INA: variants seen among roughly 807,000 people sequenced by gnomAD.
INA encodes the protein alpha-internexin.
Under a neutral mutation model 40.1 loss-of-function variants are expected in INA, and 35 were observed. The ratio of observed to expected loss-of-function variants is 0.87; its 90% CI spans 0.67 to 1.16. The LOEUF is 1.16. Among genes scored for constraint, INA ranks in the 50% most tolerant of loss-of-function variants. INA has a pLI of 0.00. For missense variants in INA, 594 were observed against 686.7 expected, an observed-to-expected ratio of 0.87 and a Z score of 1.51; for synonymous variants, 290 against 316.9, an observed-to-expected ratio of 0.92 and a Z score of 0.90.
intron 1 of INA, among the ~76,000 whole-genome samples, chr10:103,279,282 T>G (rs1394471116): frequency 6.6e-6 from 1 of 152,196 alleles, no homozygotes; most frequent in African/African-American, 2.4e-5. Flanking sequence ...TTGTTAGTAT[T>G]TTTTTCATTG....
chr10:103,287,084 T>C lies in INA; in HGVS notation c.1115T>C (p.Met372Thr). 2.5e-6 allele frequency: 4 copies of C among 1,613,998 alleles called. No individual in the cohort carries two copies. Among genetic ancestry groups the C allele is most frequent in the Non-Finnish European group, 3.4e-6 (4 of 1,179,932 alleles). Residue 372 changes from methionine to threonine, a missense_variant, in exon 2 of 3, where the codon ATG (methionine) becomes ACG (threonine). Physicochemically the swap from Met to Thr is moderately conservative, Grantham distance 81. Coordinates refer to ENST00000369849, the MANE Select transcript of INA (RefSeq NM_032727.4). ...ENDLRNTKSE[M>T]ARHLREYQDL... is the part of the protein sequence containing the mutation. ...GATCTGAGGAACACCAAGAGTGAGA[T>C]GGCACGCCACCTTCGGGAATACCAG...
chr10:103,287,127 A>T lies in INA; in HGVS notation c.1158A>T (p.Lys386Asn). The T allele has an allele frequency of 6.2e-7, 1 of 1,613,804 alleles. No homozygotes were observed. The highest frequency in any genetic ancestry group is 8.5e-7 in the Non-Finnish European group (1 of 1,179,884). Residue 386 changes from lysine to asparagine, a missense_variant, in exon 2 of 3, where the codon AAA becomes AAT. This residue lies in a region of INA where 379 missense variants were observed against 496.1 expected (regional missense o/e 0.76). Transcript: ENST00000369849. ...LREYQDLLNV[K>N]MALDIEIAAY... ...AATACCAGGACTTGCTCAATGTCAA[A>T]ATGGCTCTTGACATTGAGATAGCAG... is the stretch of plus-strand genomic sequence containing the variant.
rs569095436 is a variant in INA at position 103,290,210 on chromosome 10, C to G, written c.*1541C>G. On this transcript the variant is annotated 3_prime_UTR_variant, in exon 3 of 3. Transcript: ENST00000369849. The stretch of plus-strand genomic sequence containing the variant: ...TGATGCTTTTACTGAACTTTCTTAT[C>G]CTAGCACATGCTTCAATAGTTCAAG... 1 of 152,636 alleles carries G rather than the reference C, an allele frequency of 6.6e-6. No homozygotes were observed. The highest frequency in any genetic ancestry group is 2.4e-5 in the African/African-American group (1 of 41,462). The allele number at this position is 152,636 out of a possible 1,614,324, so 9.5% of individuals were successfully genotyped here.
At chr10:103,283,677 A>C (rs1428423619) in intron 1 of INA, among the ~76,000 whole-genome samples, 1 of 151,090 alleles carries the variant, frequency 6.6e-6, no homozygotes, top group East Asian at 1.9e-4. Flanking sequence ...TTCTCACACA[A>C]GGGGAGTTTC....
intron 1 of INA, chr10:103,280,581 T>A (rs894156013): frequency 1.0e-6 from 1 of 985,434 alleles, no homozygotes; most frequent in Non-Finnish European, 1.2e-6. Flanking sequence ...GCACCCTCTA[T>A]GAAACATAGG....
At chr10:103,280,246 A>T (rs2093069817) in intron 1 of INA, 3 of 985,308 alleles carry the variant, frequency 3.0e-6, no homozygotes, top group Non-Finnish European at 3.6e-6. Flanking sequence ...GAGCCTTTAG[A>T]GCCACAGAGG....
At chr10:103,284,861 A>G (rs950417482) in intron 1 of INA, among the ~76,000 whole-genome samples, 2 of 152,186 alleles carry the variant, frequency 1.3e-5, no homozygotes, top group African/African-American at 4.8e-5. Context: ...AGGTTCCTGC[A>G]TGGGCCAGTA....
intron 1 of INA, chr10:103,280,052 C>T (rs952545347): frequency 2.4e-6 from 3 of 1,272,558 alleles, no homozygotes; most frequent in Admixed American, 2.5e-5. Context: ...TCCATTTTCT[C>T]TGCTTGTTAT....
chr10:103,277,225 C>T lies in INA; in HGVS notation c.14C>T (p.Ser5Leu). The T allele has an allele frequency of 5.1e-6, 8 of 1,580,690 alleles. No homozygotes were observed. The highest frequency in any genetic ancestry group is 1.7e-4 in the Middle Eastern group (1 of 5,732). MSFG[S>L]EHYLCSSSSY... ...GATCCCGGCACCATGAGCTTCGGCT[C>T]GGAGCACTACCTGTGCTCCTCCTCC... The change falls in exon 1 of 3, where the codon TCG becomes TTG. Residue 5 changes from serine to leucine, a missense_variant. Physicochemically the swap from Ser to Leu is moderately radical, Grantham distance 145. Around this residue, in one of 2 missense-constraint regions of INA, gnomAD observed 215 missense variants for 190.6 expected, o/e 1.13. Coordinates refer to ENST00000369849, the MANE Select transcript of INA (RefSeq NM_032727.4). This position sits in a 1 kb window ranked among gnomAD's most constrained non-coding sequence, Gnocchi z 5.6.
In INA at chr10:103,278,313, G is replaced by GCCCTCTTCCGCGCGTACCCTC. The variant is rs2093065264; in HGVS notation, c.1065+38_1065+58dup. On this transcript the variant is annotated intron_variant, in intron 1 of 2. Transcript: ENST00000369849. This position sits in a 1 kb window ranked among gnomAD's most constrained non-coding sequence, Gnocchi z 4.9. ...GGCTGGGCGTGGGGAGGGGTGCCCT[G>GCCCTCTTCCGCGCGTACCCTC]CCCTCTTCCGCGCGTACCCTCTTCC... 2.8e-6 allele frequency: 4 copies of GCCCTCTTCCGCGCGTACCCTC among 1,426,202 alleles called. No homozygotes were observed. The highest frequency in any genetic ancestry group is 2.8e-5 in the African/African-American group (2 of 70,662). 88.3% of individuals were successfully genotyped at this position (1,426,202 alleles called of 1,614,324 possible).
Position 103,288,695 on chromosome 10 carries a change from C to CATATCATTCCCTCTTAAGCA in INA, c.*26_*27insATATCATTCCCTCTTAAGCA. ...TTCCATTGCTTTGAAAAAGTTAATG[C>CATATCATTCCCTCTTAAGCA]TTAAGAGGGAATGATATGCATTTGA... On this transcript the variant is annotated 3_prime_UTR_variant, in exon 3 of 3. Transcript: ENST00000369849. The CATATCATTCCCTCTTAAGCA allele has an allele frequency of 7.0e-7, 1 of 1,430,106 alleles. No homozygotes were observed. Among genetic ancestry groups the CATATCATTCCCTCTTAAGCA allele is most frequent in the Non-Finnish European group, 9.5e-7 (1 of 1,049,998 alleles). 88.6% of individuals were successfully genotyped at this position (1,430,106 alleles called of 1,614,324 possible).
At chr10:103,287,947 A>G (rs2093090321) in intron 2 of INA, among the ~76,000 whole-genome samples, 1 of 152,092 alleles carries the variant, frequency 6.6e-6, no homozygotes, top group East Asian at 1.9e-4. Context: ...GTTGAGTAAG[A>G]CAGTTTCTAC....
At chr10:103,281,008 C>G in intron 1 of INA, 2 of 812,630 alleles carry the variant, frequency 2.5e-6, no homozygotes, top group Non-Finnish European at 3.0e-6. Context: ...TCAAGATCAC[C>G]GCAGGTTAAT....
intron 1 of INA, among the ~76,000 whole-genome samples, chr10:103,279,775 G>A (rs528172089): frequency 2.0e-5 from 3 of 152,166 alleles, no homozygotes; most frequent in Non-Finnish European, 2.9e-5. Context: ...AAGGAAAAAA[G>A]CCTGCTTGGA....
In INA at chr10:103,288,639, A is replaced by G. The variant is rs775163502; in HGVS notation, c.1470A>G (p.Glu490=). The G allele has an allele frequency of 6.3e-7, 1 of 1,584,272 alleles. No individual in the cohort carries two copies. Among genetic ancestry groups the G allele is most frequent in the Non-Finnish European group, 8.5e-7 (1 of 1,169,754 alleles). ...AGAAAACCGAGAAATCAAATATAGA[A>G]GAAACCACCATTTCAAGCCAAAAAA... ...STKKTEKSNI[E]ETTISSQKI is the part of the protein sequence containing the mutation. Residue 490 remains glutamate (E), a synonymous_variant, in exon 3 of 3, where the codon GAA becomes GAG. Coordinates refer to ENST00000369849, the MANE Select transcript of INA (RefSeq NM_032727.4).
intron 1 of INA, among the ~76,000 whole-genome samples, chr10:103,285,859 C>T (rs1208521707): frequency 6.6e-6 from 1 of 151,886 alleles, no homozygotes; most frequent in African/African-American, 2.4e-5. Flanking sequence ...CTCAGGTGAT[C>T]TGCCTGCCTC....
intron 2 of INA, among the ~76,000 whole-genome samples, chr10:103,287,553 G>A (rs2093089140): frequency 6.6e-6 from 1 of 151,984 alleles, no homozygotes. Context: ...TGGCCAACAT[G>A]GTGAAACCCA....
At chr10:103,287,771 A>C (rs924341899) in intron 2 of INA, among the ~76,000 whole-genome samples, 3 of 151,456 alleles carry the variant, frequency 2.0e-5, no homozygotes, top group Non-Finnish European at 4.4e-5. Flanking sequence ...AAAAACTATT[A>C]AGAGTTATGA....
intron 1 of INA, among the ~76,000 whole-genome samples, chr10:103,283,793 C>T (rs2093078511): frequency 6.7e-6 from 1 of 148,200 alleles, no homozygotes; most frequent in East Asian, 2.0e-4. Flanking sequence ...TCTTGTTGCC[C>T]AGGCTGGAGT....
Sources: gnomAD v4.1 joint callset for allele counts (sites outside exome capture counted in the v4.1 genomes callset) on GRCh38, gnomAD v4.1.1 for gene constraint, gnomAD v4.1.1 regional missense constraint, Gnocchi (gnomAD v3.1) non-coding constraint, MANE v1.5 for transcripts, NCBI Gene and HGNC (gene_info 2026-07-23, HGNC 2026-07-21) for gene names.